BAZ2B: variants seen among roughly 807,000 people sequenced by gnomAD.
The protein encoded by BAZ2B is bromodomain adjacent to zinc finger domain protein 2B.
In BAZ2B, 91 loss-of-function variants were observed where a neutral mutation model predicts 246.0. That is an observed-to-expected ratio of 0.37 (90% confidence interval 0.31 to 0.44). The LOEUF (loss-of-function observed/expected upper bound fraction) is 0.44. Ranked by LOEUF, BAZ2B falls within the 20% of genes least tolerant of loss-of-function variation. The pLI is 1.00. For missense variants in BAZ2B, 2,332 were observed against 2,533.7 expected (o/e 0.92, Z 1.71); for synonymous variants, 855 against 860.0 (o/e 0.99, Z 0.10).
At chr2:159,528,649 C>CTCCA (rs949270033) in intron 2 of BAZ2B, among the ~76,000 whole-genome samples, 6 of 149,742 alleles carry the variant, frequency 4.0e-5, no homozygotes, top group Non-Finnish European at 7.4e-5. Flanking sequence ...CGCCACTGTA[C>CTCCA]TCCAGCCTGG....
At chr2:159,320,848 A>C (rs894705801) in intron 36 of BAZ2B, among the ~76,000 whole-genome samples, 2 of 152,214 alleles carry the variant, frequency 1.3e-5, no homozygotes, top group Admixed American at 6.5e-5. Context: ...CTCCCCATGC[A>C]ATGATAAAAA....
intron 2 of BAZ2B, among the ~76,000 whole-genome samples, chr2:159,496,633 T>C (rs2081184436): frequency 6.6e-6 from 1 of 150,502 alleles, no homozygotes; most frequent in African/African-American, 2.4e-5. Flanking sequence ...AAACACAAAA[T>C]TAGCCGGGCA....
chr2:159,403,940 A>G (rs1288157999), intron 16 of BAZ2B, among the ~76,000 whole-genome samples: 1 of 152,158 alleles, frequency 6.6e-6, no homozygotes, highest in Non-Finnish European at 1.5e-5. Context: ...ACTGACTACA[A>G]ACTTAAATCC....
chr2:159,536,387 T>C (rs530512215), intron 2 of BAZ2B: 3 of 152,356 alleles, frequency 2.0e-5, no homozygotes, highest in East Asian at 1.9e-4. Context: ...TAAGTGTTCA[T>C]ATTTTTAATG....
the BAZ2B span, among the ~76,000 whole-genome samples, chr2:159,663,874 T>C: frequency 1.2e-5 from 1 of 81,432 alleles, no homozygotes; most frequent in South Asian, 4.3e-4. Flanking sequence ...TTTTTTTTTT[T>C]TTTTTTTTTT....
intron 2 of BAZ2B, among the ~76,000 whole-genome samples, chr2:159,507,367 T>C (rs2082439814): frequency 6.6e-6 from 1 of 151,638 alleles, no homozygotes; most frequent in African/African-American, 2.4e-5. Flanking sequence ...AGTGAGGAGG[T>C]TAAAAAAAAA....
chr2:159,676,360 T>C, the BAZ2B span, among the ~76,000 whole-genome samples: 2 of 152,214 alleles, frequency 1.3e-5, no homozygotes, highest in African/African-American at 4.8e-5. Context: ...ATAAGATATC[T>C]TGTAAACTTA....
At chr2:159,447,577 T>C (rs56982134) in intron 5 of BAZ2B, among the ~76,000 whole-genome samples, 3,306 of 152,270 alleles carry the variant, frequency 0.022, 122 homozygotes, top group African/African-American at 0.071. Flanking sequence ...TTAATGAAGT[T>C]AATACTTAAT....
chr2:159,519,545 T>TA (rs1469055640), intron 2 of BAZ2B, among the ~76,000 whole-genome samples: 1 of 151,720 alleles, frequency 6.6e-6, no homozygotes, highest in Non-Finnish European at 1.5e-5. Flanking sequence ...TTCTATTTTC[T>TA]AAAGTCAGGT....
At chr2:159,413,133 A>G (rs745869425) in intron 13 of BAZ2B, among the ~76,000 whole-genome samples, 5 of 152,202 alleles carry the variant, frequency 3.3e-5, no homozygotes, top group African/African-American at 4.8e-5. Context: ...ACAATCACCT[A>G]TAAAATAGTA....
intron 3 of BAZ2B, chr2:159,464,439 T>C (rs957066698): frequency 3.3e-5 from 5 of 152,186 alleles, no homozygotes; most frequent in Non-Finnish European, 7.3e-5. Context: ...TTAGAAAAGA[T>C]GGTCAATGTG....
chr2:159,528,094 T>C (rs532274896), intron 2 of BAZ2B, among the ~76,000 whole-genome samples: 1 of 152,282 alleles, frequency 6.6e-6, no homozygotes, highest in South Asian at 2.1e-4. Context: ...ATATACCCTG[T>C]AAATGAGATT....
chr2:159,382,432 A>T, intron 25 of BAZ2B, 127 bp downstream of exon 25: 6 of 1,002,416 alleles, frequency 6.0e-6, no homozygotes, highest in Middle Eastern at 3.1e-4. Flanking sequence ...TGTTTTTCAG[A>T]TGAGGAAACT....
At chr2:159,356,277 A>G (rs1471975533) in intron 27 of BAZ2B, among the ~76,000 whole-genome samples, 1 of 152,198 alleles carries the variant, frequency 6.6e-6, no homozygotes, top group Non-Finnish European at 1.5e-5. Context: ...TCTGAAGTCG[A>G]CGTGGGATGC....
At chr2:159,554,342 T>C (rs911373106) in intron 2 of BAZ2B, among the ~76,000 whole-genome samples, 1 of 152,164 alleles carries the variant, frequency 6.6e-6, no homozygotes, top group African/African-American at 2.4e-5. Context: ...AAGCACTAGA[T>C]GCTAAACAGA....
At chr2:159,534,298 G>A (rs6749857) in intron 2 of BAZ2B, among the ~76,000 whole-genome samples, 26,733 of 152,098 alleles carry the variant, frequency 0.18, 2,411 homozygotes, top group Middle Eastern at 0.21. Flanking sequence ...GTGTACTTAC[G>A]TGAACCTAGA....
chr2:159,347,726 A>T (rs2068135635), intron 30 of BAZ2B, 80 bp from the exon 31 acceptor site: 1 of 1,223,878 alleles, frequency 8.2e-7, no homozygotes, highest in South Asian at 1.5e-5. Context: ...AAGTGAATAA[A>T]ATTCTAGGAG....
At chr2:159,615,349 C>G (rs942767186) in intron 1 of BAZ2B, 7 of 152,414 alleles carry the variant, frequency 4.6e-5, no homozygotes, top group Non-Finnish European at 8.8e-5. Context: ...AGCTGGCGGT[C>G]GTTCCCGGGG....
chr2:159,489,612 T>A (rs1007759209), intron 2 of BAZ2B, among the ~76,000 whole-genome samples: 1 of 152,112 alleles, frequency 6.6e-6, no homozygotes, highest in South Asian at 2.1e-4. Context: ...AATTGAAATC[T>A]AGACTGAAAT....
Sources: gnomAD v4.1 joint callset for allele counts (sites outside exome capture counted in the v4.1 genomes callset) on GRCh38, gnomAD v4.1.1 for gene constraint, MANE v1.5 for transcripts, NCBI Gene and HGNC (gene_info 2026-07-23, HGNC 2026-07-21) for gene names.